Variants in PCDH15 observed in about 807,000 individuals in gnomAD.
PCDH15 encodes protocadherin related 15, also known as protocadherin-15.
PCDH15 carries 129 observed loss-of-function variants against 178.5 expected under a neutral mutation model. The observed-to-expected ratio is 0.72, with a 90% CI of 0.63 to 0.84. The LOEUF (loss-of-function observed/expected upper bound fraction) is 0.84. Among genes scored for constraint, PCDH15 ranks in the 40% least tolerant of loss-of-function variants. The pLI is 0.00. For synonymous variants in PCDH15, 800 were observed against 732.0 expected, an observed-to-expected ratio of 1.09 and a Z score of -1.50; for missense variants, 2,230 against 2,099.9, an observed-to-expected ratio of 1.06 and a Z score of -1.21.
intron 2 of PCDH15, among the ~76,000 whole-genome samples, chr10:55,466,069 C>T (rs532250124): frequency 6.6e-6 from 1 of 152,242 alleles, no homozygotes; most frequent in Non-Finnish European, 1.5e-5. Flanking sequence ...CTCTAGAATA[C>T]CTGCCCTCTG....
intron 14 of PCDH15, among the ~76,000 whole-genome samples, chr10:54,135,860 G>T (rs1590710837): frequency 1.3e-5 from 2 of 152,108 alleles, no homozygotes; most frequent in South Asian, 4.2e-4. Context: ...TAATAAGTGG[G>T]AATAATAATA....
intron 2 of PCDH15, among the ~76,000 whole-genome samples, chr10:55,069,533 T>G (rs1179824938): frequency 7.1e-6 from 1 of 140,726 alleles, no homozygotes; most frequent in Non-Finnish European, 1.5e-5. Context: ...CGGTGTTTGG[T>G]TTTTTGTTCT....
intron 2 of PCDH15, among the ~76,000 whole-genome samples, chr10:54,617,227 G>C (rs2093192962): frequency 6.6e-6 from 1 of 151,758 alleles, no homozygotes; most frequent in Admixed American, 6.6e-5. Flanking sequence ...ACATCACCAG[G>C]GTCCTAAGAA....
intron 21 of PCDH15, among the ~76,000 whole-genome samples, chr10:53,973,878 A>T (rs2134483150): frequency 6.6e-6 from 1 of 152,366 alleles, no homozygotes; most frequent in South Asian, 2.1e-4. Flanking sequence ...TCAGAAGGAT[A>T]CATGTATTTT....
At chr10:54,775,391 C>T (rs1048730838) in intron 1 of PCDH15, among the ~76,000 whole-genome samples, 4 of 152,054 alleles carry the variant, frequency 2.6e-5, no homozygotes, top group East Asian at 1.9e-4. Flanking sequence ...TTATGGAGTA[C>T]ATAGTGATGT....
At chr10:55,426,201 A>T (rs532155686) in intron 2 of PCDH15, among the ~76,000 whole-genome samples, 3 of 152,326 alleles carry the variant, frequency 2.0e-5, no homozygotes, top group Admixed American at 2.0e-4. Flanking sequence ...GGACTTAACG[A>T]AGCAGGATAT....
intron 15 of PCDH15, among the ~76,000 whole-genome samples, chr10:54,091,152 C>T (rs537196521): frequency 5.9e-5 from 9 of 152,150 alleles, no homozygotes; most frequent in East Asian, 1.9e-4. Flanking sequence ...GTGAGTCATT[C>T]GATCCTCTTA....
chr10:54,249,685 T>C (rs954955799), intron 8 of PCDH15, among the ~76,000 whole-genome samples: 5 of 152,158 alleles, frequency 3.3e-5, no homozygotes, highest in Non-Finnish European at 1.5e-5. Context: ...CCTTTCCTTT[T>C]GGATTTCAGG....
intron 9 of PCDH15, among the ~76,000 whole-genome samples, chr10:54,232,552 T>C (rs1458422593): frequency 6.6e-6 from 1 of 152,240 alleles, no homozygotes; most frequent in Non-Finnish European, 1.5e-5. Flanking sequence ...GATTACTAAG[T>C]CAGTCTATTA....
intron 2 of PCDH15, among the ~76,000 whole-genome samples, chr10:55,471,135 T>G (rs1376362233): frequency 6.6e-6 from 1 of 152,164 alleles, no homozygotes; most frequent in Non-Finnish European, 1.5e-5. Context: ...TGTACTGATT[T>G]TAGTGTGAAT....
chr10:53,910,047 C>T (rs1027073529), intron 25 of PCDH15, among the ~76,000 whole-genome samples: 4 of 152,176 alleles, frequency 2.6e-5, no homozygotes, highest in African/African-American at 9.6e-5. Context: ...ACAAGGTCTG[C>T]TGCCTCTGTA....
chr10:54,850,037 G>C (rs983883379), intron 3 of PCDH15, among the ~76,000 whole-genome samples: 1 of 151,980 alleles, frequency 6.6e-6, no homozygotes, highest in Admixed American at 6.6e-5. Flanking sequence ...TGAGACAATT[G>C]TCTAACAATC....
At chr10:54,091,831 T>C (rs1248962450) in intron 15 of PCDH15, among the ~76,000 whole-genome samples, 1 of 152,146 alleles carries the variant, frequency 6.6e-6, no homozygotes, top group African/African-American at 2.4e-5. Flanking sequence ...ATTGGATTGT[T>C]CCAAAGGTTG....
At chr10:54,522,087 CAAAAAAAAAAA>C (rs11313978) in intron 3 of PCDH15, among the ~76,000 whole-genome samples, 2 of 58,892 alleles carry the variant, frequency 3.4e-5, no homozygotes, top group African/African-American at 6.3e-5. Context: ...GAATCCATCT[CAAAAAAAAAAA>C]AAAAAAAAAA....
intron 3 of PCDH15, among the ~76,000 whole-genome samples, chr10:54,520,758 T>C (rs986000107): frequency 7.3e-5 from 11 of 150,874 alleles, no homozygotes; most frequent in Admixed American, 2.0e-4. Flanking sequence ...TAAAGACACA[T>C]GCACACGTAT....
rs9416362 is a variant in PCDH15, at chr10:54,488,303, T to C, written c.157+39509A>G. On this transcript the variant is annotated intron_variant, in intron 3 of 37. Coordinates refer to ENST00000644397, the MANE Select transcript of PCDH15 (RefSeq NM_001384140.1). ...CCAAATTAATTGGATACTTGGATTA[T>C]TTTTAACTAAAGTAGAATATTAAAA... 5.5e-3 allele frequency among the ~76,000 whole-genome samples: 839 copies of C among 152,008 alleles called. 12 individuals are homozygous for C. Among genetic ancestry groups the C allele is most frequent in the African/African-American group, 0.019 (784 of 41,540 alleles).
chr10:55,490,102 G>A (rs1840379576), intron 2 of PCDH15, among the ~76,000 whole-genome samples: 1 of 151,630 alleles, frequency 6.6e-6, no homozygotes, highest in South Asian at 2.1e-4. Context: ...AAGCAGCAGA[G>A]GACTGTCATG....
intron 34 of PCDH15, among the ~76,000 whole-genome samples, chr10:53,816,768 A>G (rs2076074375): frequency 1.3e-5 from 2 of 152,196 alleles, no homozygotes; most frequent in South Asian, 4.1e-4. Context: ...TATTGAAGAC[A>G]TGCTCTCCAT....
At chr10:54,124,234 A>T (rs1018495925) in intron 15 of PCDH15, among the ~76,000 whole-genome samples, 4 of 152,224 alleles carry the variant, frequency 2.6e-5, no homozygotes, top group Admixed American at 2.0e-4. Context: ...TAAGTCAGAC[A>T]CAAAAGGACA....
Sources: gnomAD v4.1 joint callset for allele counts (sites outside exome capture counted in the v4.1 genomes callset) on GRCh38, gnomAD v4.1.1 for gene constraint, MANE v1.5 for transcripts, NCBI Gene and HGNC (gene_info 2026-07-23, HGNC 2026-07-21) for gene names.